Variants in RAPGEF5 observed in about 807,000 individuals in gnomAD.
RAPGEF5 encodes Rap guanine nucleotide exchange factor 5.
In RAPGEF5, 65 loss-of-function variants were observed where a neutral mutation model predicts 125.2. The observed-to-expected ratio is 0.52, with a 90% CI of 0.43 to 0.64. The LOEUF (loss-of-function observed/expected upper bound fraction) is 0.64. RAPGEF5 is among the 30% of genes least tolerant of loss of function. The pLI, the probability that RAPGEF5 is intolerant of heterozygous loss-of-function variation, is 0.00. For missense variants in RAPGEF5, 958 were observed against 1,048.1 expected, an observed-to-expected ratio of 0.91 and a Z score of 1.19; for synonymous variants, 391 against 385.9, an observed-to-expected ratio of 1.01 and a Z score of -0.16.
At chr7:22,203,042 T>C (rs747598306) in intron 9 of RAPGEF5, 1 of 177,486 alleles carries the variant, frequency 5.6e-6, no homozygotes, top group African/African-American at 2.4e-5. Flanking sequence ...TGTATGTGTA[T>C]ATAAATATCA....
chr7:22,335,218 T>C (rs1784002678), intron 1 of RAPGEF5, among the ~76,000 whole-genome samples: 1 of 152,216 alleles, frequency 6.6e-6, no homozygotes, highest in Non-Finnish European at 1.5e-5. Flanking sequence ...GTGGTGTTCA[T>C]TTTTAGTTTC....
chr7:22,212,098 C>T (rs941155510), intron 9 of RAPGEF5, among the ~76,000 whole-genome samples: 14 of 152,040 alleles, frequency 9.2e-5, no homozygotes, highest in African/African-American at 3.1e-4. Flanking sequence ...CTCAGCCTCC[C>T]GAGTAGCTGG....
intron 5 of RAPGEF5, chr7:22,298,772 T>C (rs893838457): frequency 6.6e-6 from 1 of 152,386 alleles, no homozygotes; most frequent in East Asian, 1.9e-4. Flanking sequence ...GGGCATCAAC[T>C]ACAAATTCAA....
chr7:22,304,469 C>T (rs1352812669), intron 5 of RAPGEF5, among the ~76,000 whole-genome samples: 2 of 152,204 alleles, frequency 1.3e-5, no homozygotes, highest in Non-Finnish European at 1.5e-5. Flanking sequence ...TATTAGGTTG[C>T]AAATTTTAAA....
intron 1 of RAPGEF5, among the ~76,000 whole-genome samples, chr7:22,318,925 T>TTA (rs149951689): frequency 0.08 from 12,151 of 152,312 alleles, 518 homozygotes; most frequent in Middle Eastern, 0.15. Context: ...GGCTGGCAGC[T>TTA]TATACTGCTT....
chr7:22,154,352 C>A (rs556381109), intron 17 of RAPGEF5, 103 bp downstream of exon 17: 57 of 1,330,304 alleles, frequency 4.3e-5, no homozygotes, highest in Non-Finnish European at 5.2e-5. Context: ...CAGCTGCGGG[C>A]CCAGAAGGGA....
rs146913128 is a variant in RAPGEF5 at position 22,339,280 on chromosome 7, G to A, written c.231+17550C>T. On this transcript the variant is annotated intron_variant, in intron 1 of 25. Transcript: ENST00000665637. ...TCACTCCTGCTCTAAAACTTGCTTC[G>A]GTCTCTCACTCTGCCTTATGCCTCT... Among the ~76,000 whole-genome samples, 733 of 152,200 alleles carry A rather than the reference G, an allele frequency of 4.8e-3. 42 individuals are homozygous for A. The highest frequency in any genetic ancestry group is 0.045 in the Admixed American group (684 of 15,286).
intron 7 of RAPGEF5, among the ~76,000 whole-genome samples, chr7:22,253,746 A>T (rs1217471685): frequency 6.6e-6 from 1 of 152,184 alleles, no homozygotes; most frequent in Non-Finnish European, 1.5e-5. Flanking sequence ...GACAATAATT[A>T]TATTAAGCAA....
intron 16 of RAPGEF5, 27 bp downstream of exon 16, chr7:22,156,783 C>G: frequency 6.2e-7 from 1 of 1,613,128 alleles, no homozygotes; most frequent in Non-Finnish European, 8.5e-7. Flanking sequence ...TGCCCACCCC[C>G]AAACCCTCAC....
intron 9 of RAPGEF5, among the ~76,000 whole-genome samples, chr7:22,219,433 T>A (rs1356332315): frequency 6.6e-6 from 1 of 150,814 alleles, no homozygotes; most frequent in Admixed American, 6.7e-5. Flanking sequence ...TGTTTTCATC[T>A]ATTTCTAGTG....
At chr7:22,177,427 A>C (rs914998495) in intron 11 of RAPGEF5, among the ~76,000 whole-genome samples, 26 of 152,170 alleles carry the variant, frequency 1.7e-4, no homozygotes, top group African/African-American at 6.0e-4. Context: ...AGGGAGCCCC[A>C]AATTTGTTTT....
chr7:22,352,731 G>GA (rs1173394376), intron 1 of RAPGEF5, among the ~76,000 whole-genome samples: 1 of 152,142 alleles, frequency 6.6e-6, no homozygotes, highest in East Asian at 1.9e-4. Flanking sequence ...TTGGTAAAAG[G>GA]AAAAAATTAA....
At chr7:22,173,151 G>A (rs1784400052) in intron 11 of RAPGEF5, among the ~76,000 whole-genome samples, 2 of 152,088 alleles carry the variant, frequency 1.3e-5, no homozygotes, top group African/African-American at 4.8e-5. Flanking sequence ...TTCTGGTCCT[G>A]GAATGTTACA....
intron 7 of RAPGEF5, among the ~76,000 whole-genome samples, chr7:22,249,444 C>T (rs535713325): frequency 5.6e-4 from 85 of 152,252 alleles, no homozygotes; most frequent in Non-Finnish European, 1.1e-3. Flanking sequence ...TCCACCTCGG[C>T]TTCCCAAAGT....
At chr7:22,318,426 T>A (rs951472030) in intron 1 of RAPGEF5, among the ~76,000 whole-genome samples, 1 of 152,204 alleles carries the variant, frequency 6.6e-6, no homozygotes, top group African/African-American at 2.4e-5. Context: ...CAGTGGATTT[T>A]CCTGCTCTCT....
At chr7:22,160,880 G>A (rs1783967498) in intron 13 of RAPGEF5, among the ~76,000 whole-genome samples, 1 of 152,136 alleles carries the variant, frequency 6.6e-6, no homozygotes, top group African/African-American at 2.4e-5. Flanking sequence ...GGCTACTAGA[G>A]ATTTCCAGCC....
Position 22,349,395 on chromosome 7 carries a change from A to C in RAPGEF5, c.231+7435T>G, listed in dbSNP as rs1034237425. ...GCTGAGATCCCACCAATACATTCCA[A>C]CCTGGGCGATAGAGTGAGACTCCAT... On this transcript the variant is annotated intron_variant, in intron 1 of 25. Coordinates refer to ENST00000665637, the MANE Select transcript of RAPGEF5 (RefSeq NM_012294.5). 2.1e-5 allele frequency among the ~76,000 whole-genome samples: 3 copies of C among 141,808 alleles called. No homozygotes were observed. The East Asian group carries it at 6.5e-4, about 31-fold the overall frequency. 93.0% of individuals were successfully genotyped at this position (141,808 alleles called of 152,430 possible).
chr7:22,291,502 T>C (rs1205432799), intron 5 of RAPGEF5, among the ~76,000 whole-genome samples: 2 of 152,218 alleles, frequency 1.3e-5, no homozygotes, highest in African/African-American at 2.4e-5. Context: ...CACCCCATGA[T>C]ACAGCAGAAT....
chr7:22,325,888 C>T (rs1009438759), intron 1 of RAPGEF5, among the ~76,000 whole-genome samples: 37 of 152,308 alleles, frequency 2.4e-4, no homozygotes, highest in Non-Finnish European at 5.3e-4. Flanking sequence ...GATTTATGAG[C>T]TTGTTTGAAA....
Sources: allele counts gnomAD v4.1 joint callset (sites outside exome capture counted in the v4.1 genomes callset), GRCh38; gene constraint gnomAD v4.1.1; transcripts MANE v1.5; gene names NCBI Gene and HGNC (gene_info 2026-07-23, HGNC 2026-07-21).